VWA5B2: variants seen among roughly 807,000 people sequenced by gnomAD.
VWA5B2 encodes the protein von Willebrand factor A domain-containing protein 5B2.
VWA5B2 carries 93 observed loss-of-function variants against 118.5 expected under a neutral mutation model. The ratio of observed to expected loss-of-function variants is 0.79; its 90% confidence interval spans 0.66 to 0.93. The LOEUF (loss-of-function observed/expected upper bound fraction) is 0.93, where lower values mean the gene tolerates loss of function less well. VWA5B2 is among the 40% of genes least tolerant of loss of function. The pLI is 0.00. For synonymous variants in VWA5B2, 708 were observed against 716.3 expected, an observed-to-expected ratio of 0.99 and a Z score of 0.19; for missense variants, 1,546 against 1,672.8, an observed-to-expected ratio of 0.92 and a Z score of 1.32.
At position 184,233,027 on chromosome 3, in the gene VWA5B2, C is replaced by T; in HGVS notation, c.311-151C>T. On this transcript the variant is annotated intron_variant, in intron 3 of 19. Transcript: ENST00000691901. This position sits in a 1 kb window ranked among gnomAD's most constrained non-coding sequence, Gnocchi z 5.2. ...TCTCCTGCCATCATTCATCTCATGC[C>T]TCCATCCTGCGTCACCAATGCATTA... 4.6e-6 allele frequency: 3 copies of T among 658,644 alleles called. No homozygotes were observed. The highest frequency in any genetic ancestry group is 7.9e-6 in the Non-Finnish European group (3 of 378,862). 40.8% of individuals were successfully genotyped at this position (658,644 alleles called of 1,614,324 possible).
rs750946815 is a variant in VWA5B2, at chr3:184,241,829, G to T, written c.3520G>T (p.Ala1174Ser). The T allele has an allele frequency of 6.5e-7, 1 of 1,528,638 alleles. No homozygotes were observed. Among genetic ancestry groups the T allele is most frequent in the Non-Finnish European group, 8.8e-7 (1 of 1,139,078 alleles). The allele number at this position is 1,528,638 out of a possible 1,614,324, so 94.7% of individuals were successfully genotyped here. A position where few individuals can be genotyped will look rare whatever the true frequency, so the allele number is the denominator to read the frequency against. Residue 1174 changes from alanine to serine, a missense_variant, in exon 20 of 20, where the codon GCC becomes TCC. Physicochemically the swap from Ala to Ser is moderately conservative, Grantham distance 99. Coordinates refer to ENST00000691901, the MANE Select transcript of VWA5B2 (RefSeq NM_001390846.1). This position sits in a 1 kb window ranked among gnomAD's most constrained non-coding sequence, Gnocchi z 5.1. ...GRTWATAVAL[A>S]WLEHRCAAAF... Reference sequence around the variant, plus strand: ...GACCTGGGCCACTGCCGTAGCACTCGCCTGGCTGGAGCACCGATGCGCCGC... The same window carrying T: ...GACCTGGGCCACTGCCGTAGCACTCTCCTGGCTGGAGCACCGATGCGCCGC...
rs199997613 is a variant in VWA5B2, at chr3:184,240,799, C to G, written c.2749C>G (p.Arg917Gly). ...AETTADRGHA[R>G]RCWLRALQTS... ...GCTCCTTGGTTCCACAGGCCATGCCCGGAGGTGCTGGCTTCGAGCCCTTCA... is the reference window on the plus strand; with the variant it reads ...GCTCCTTGGTTCCACAGGCCATGCCGGGAGGTGCTGGCTTCGAGCCCTTCA... Residue 917 changes from arginine to glycine, a missense_variant, in exon 17 of 20, where the codon CGG (arginine) becomes GGG (glycine). Physicochemically the swap from Arg to Gly is moderately radical, Grantham distance 125. Around this residue, in one of 3 missense-constraint regions of VWA5B2, gnomAD observed 763 missense variants for 766.6 expected, o/e 1.00. Transcript: ENST00000691901. 2.5e-5 allele frequency: 38 copies of G among 1,550,820 alleles called. No homozygotes were observed. The South Asian group carries it at 3.8e-4, about 16-fold the overall frequency.
Position 184,241,559 on chromosome 3 carries a change from C to T in VWA5B2, c.3250C>T (p.Gln1084Ter). The change falls in exon 20 of 20, where the codon CAG (glutamine) becomes TAG (stop). Residue 1084 changes from glutamine to a stop codon, truncating the protein, a stop_gained. Coordinates refer to ENST00000691901, the MANE Select transcript of VWA5B2 (RefSeq NM_001390846.1). LOFTEE classifies it high-confidence loss of function. The surrounding 1 kb of genome is among the most constrained non-coding windows in gnomAD (Gnocchi z 5.1). ...APFCAAVRIS[Q>*]ERLCRASPFA... ...CTTCTGCGCCGCTGTGCGCATCTCG[C>T]AGGAGCGCCTCTGCCGTGCCTCGCC... The T allele has an allele frequency of 1.3e-6, 2 of 1,549,328 alleles. No homozygotes were observed. Among genetic ancestry groups the T allele is most frequent in the Non-Finnish European group, 1.7e-6 (2 of 1,146,782 alleles).
Position 184,237,440 on chromosome 3 carries a change from G to A in VWA5B2, c.1719+29G>A, listed in dbSNP as rs1047156513. ...AGCTTGGGCTGGGGTGTGGTAGGGG[G>A]GCTAGGGTGAGGTAGGGGGGCCTGG... is the stretch of plus-strand genomic sequence containing the variant. On this transcript the variant is annotated intron_variant, in intron 12 of 19. Transcript: ENST00000691901. This position sits in a 1 kb window ranked among gnomAD's most constrained non-coding sequence, Gnocchi z 5.6. 2.6e-6 allele frequency: 4 copies of A among 1,533,764 alleles called. No individual in the cohort carries two copies. The highest frequency in any genetic ancestry group is 2.0e-5 in the Admixed American group (1 of 50,378).
chr3:184,232,615 C>T (rs1020989375), intron 3 of VWA5B2: 2 of 153,372 alleles, frequency 1.3e-5, no homozygotes, highest in Non-Finnish European at 2.9e-5. Flanking sequence ...CCCAAACAAA[C>T]CTAGGAGCTA....
chr3:184,230,871 T>C lies in VWA5B2; in HGVS notation c.264T>C (p.Ala88=). Residue 88 remains alanine (A), a synonymous_variant, in exon 3 of 20, where the codon GCT becomes GCC. Coordinates refer to ENST00000691901, the MANE Select transcript of VWA5B2 (RefSeq NM_001390846.1). ...RRRSQAACCR[A]LGPGLGTPTP... is the part of the protein sequence containing the mutation. ...GCTCGCAGGCCGCCTGCTGCCGCGC[T>C]CTGGGCCCGGGGCTGGGGACCCCGA... The C allele has an allele frequency of 8.1e-7, 1 of 1,240,234 alleles. No homozygotes were observed. The highest frequency in any genetic ancestry group is 1.0e-6 in the Non-Finnish European group (1 of 993,140). 76.8% of individuals were successfully genotyped at this position (1,240,234 alleles called of 1,614,324 possible).
At position 184,236,661 on chromosome 3, in the gene VWA5B2, C is replaced by T; in HGVS notation, c.1445C>T (p.Pro482Leu). 1 of 1,551,286 alleles carries T rather than the reference C, an allele frequency of 6.4e-7. No homozygotes were observed. The highest frequency in any genetic ancestry group is 1.7e-4 in the Middle Eastern group (1 of 5,988). Residue 482 changes from proline (P) to leucine (L), a missense_variant, in exon 11 of 20, where the codon CCC becomes CTC. Physicochemically the swap from Pro to Leu is moderately conservative, Grantham distance 98 (BLOSUM62 -3). This residue lies in a region of VWA5B2 where 775 missense variants were observed against 882.3 expected (regional missense o/e 0.88). Coordinates refer to ENST00000691901, the MANE Select transcript of VWA5B2 (RefSeq NM_001390846.1). ...AGATGCTTCTCCTTTGGGCTGGGGC[C>T]CACCTGCCACCAGCTGCTCCAGGGT... ...TARCFSFGLG[P>L]TCHQLLQGLS...
At chr3:184,231,374 C>T (rs1180397967) in intron 3 of VWA5B2, among the ~76,000 whole-genome samples, 1 of 152,334 alleles carries the variant, frequency 6.6e-6, no homozygotes, top group East Asian at 1.9e-4. Context: ...CGACCCCATA[C>T]ACCAGGTACC....
chr3:184,230,824 T>C lies in VWA5B2; in HGVS notation c.217T>C (p.Phe73Leu). ...CGAGGCCGCCGGACGGCGCGTCTCCTTCCAGCTGCAGAGCCGGCGCCGCTC... is the reference window on the plus strand; with the variant it reads ...CGAGGCCGCCGGACGGCGCGTCTCCCTCCAGCTGCAGAGCCGGCGCCGCTC... ...EAEAAGRRVSFQLQSRRRSQA... is the reference protein window; with the variant it reads ...EAEAAGRRVSLQLQSRRRSQA... Residue 73 changes from phenylalanine (F) to leucine (L), a missense_variant, in exon 3 of 20, where the codon TTC (phenylalanine) becomes CTC (leucine). Physicochemically the swap from Phe to Leu is conservative, Grantham distance 22. Coordinates refer to ENST00000691901, the MANE Select transcript of VWA5B2 (RefSeq NM_001390846.1). 1 of 1,255,794 alleles carries C rather than the reference T, an allele frequency of 8.0e-7. No homozygotes were observed. The highest frequency in any genetic ancestry group is 1.0e-6 in the Non-Finnish European group (1 of 1,000,888). 77.8% of individuals were successfully genotyped at this position (1,255,794 alleles called of 1,614,324 possible).
chr3:184,233,096 A>C lies in VWA5B2; in HGVS notation c.311-82A>C, dbSNP rs1463811177. 2 of 1,331,748 alleles carry C rather than the reference A, an allele frequency of 1.5e-6. No individual in the cohort carries two copies. Among genetic ancestry groups the C allele is most frequent in the African/African-American group, 2.9e-5 (2 of 68,288 alleles). The allele number at this position is 1,331,748 out of a possible 1,614,324, so 82.5% of individuals were successfully genotyped here. On this transcript the variant is annotated intron_variant, in intron 3 of 19. Transcript: ENST00000691901. The surrounding 1 kb of genome is among the most constrained non-coding windows in gnomAD (Gnocchi z 5.2). ...AAGTCCCCCTTGCCCAGGCTCCCTG[A>C]CCCAATGCCTGCTTCCACATCTAGC...
rs184630385 is a variant in VWA5B2 at position 184,241,922 on chromosome 3, G to C, written c.3613G>C (p.Asp1205His). 1 of 1,547,662 alleles carries C rather than the reference G, an allele frequency of 6.5e-7. No homozygotes were observed. The highest frequency in any genetic ancestry group is 8.7e-7 in the Non-Finnish European group (1 of 1,146,358). ...DCWLRAQHLP[D>H]GLDLAALKAA... is the part of the protein sequence containing the mutation. ...CTGGCTGCGGGCCCAGCACTTGCCTGACGGCCTTGACCTGGCCGCCCTCAA... is the reference window on the plus strand; with the variant it reads ...CTGGCTGCGGGCCCAGCACTTGCCTCACGGCCTTGACCTGGCCGCCCTCAA... Residue 1205 changes from aspartate (D) to histidine (H), a missense_variant, in exon 20 of 20, where the codon GAC (aspartate) becomes CAC (histidine). By Grantham distance (81) the Asp-to-His change is moderately conservative. This residue lies in a region of VWA5B2 where 763 missense variants were observed against 766.6 expected (regional missense o/e 1.00). Coordinates refer to ENST00000691901, the MANE Select transcript of VWA5B2 (RefSeq NM_001390846.1). The surrounding 1 kb of genome is among the most constrained non-coding windows in gnomAD (Gnocchi z 5.1).
In VWA5B2 at chr3:184,237,435, A is replaced by G. The variant is rs1325084996; in HGVS notation, c.1719+24A>G. 4 of 1,523,574 alleles carry G rather than the reference A, an allele frequency of 2.6e-6. No individual in the cohort carries two copies. The highest frequency in any genetic ancestry group is 3.6e-6 in the Non-Finnish European group (4 of 1,126,554). 94.4% of individuals were successfully genotyped at this position (1,523,574 alleles called of 1,614,324 possible). On this transcript the variant is annotated intron_variant, in intron 12 of 19. Transcript: ENST00000691901. This position sits in a 1 kb window ranked among gnomAD's most constrained non-coding sequence, Gnocchi z 5.6. ...GGGTAAGCTTGGGCTGGGGTGTGGT[A>G]GGGGGGCTAGGGTGAGGTAGGGGGG...
rs1158271154 is a variant in VWA5B2 at position 184,241,147 on chromosome 3, C to G, written c.2962+40C>G. 1 of 1,551,466 alleles carries G rather than the reference C, an allele frequency of 6.4e-7. No homozygotes were observed. Among genetic ancestry groups the G allele is most frequent in the Admixed American group, 2.0e-5 (1 of 50,982 alleles). ...TAGGGAAAGGGTAGGGGCACTTGGG[C>G]TTAGAGACCGCCCCCTGGCACTGAT... On this transcript the variant is annotated intron_variant, in intron 18 of 19. Coordinates refer to ENST00000691901, the MANE Select transcript of VWA5B2 (RefSeq NM_001390846.1). The surrounding 1 kb of genome is among the most constrained non-coding windows in gnomAD (Gnocchi z 5.1).
Position 184,238,285 on chromosome 3 carries a change from C to A in VWA5B2, c.1720-18C>A. ...ACATAACTGCAGTTAATTTTTTTCC[C>A]AATAATATTCTCTCTAGGGCCAAGA... On this transcript the variant is annotated intron_variant, in intron 12 of 19. Coordinates refer to ENST00000691901, the MANE Select transcript of VWA5B2 (RefSeq NM_001390846.1). The surrounding 1 kb of genome is among the most constrained non-coding windows in gnomAD (Gnocchi z 5.0). 1 of 1,464,242 alleles carries A rather than the reference C, an allele frequency of 6.8e-7. No homozygotes were observed. The highest frequency in any genetic ancestry group is 1.4e-5 in the South Asian group (1 of 72,092). 90.7% of individuals were successfully genotyped at this position (1,464,242 alleles called of 1,614,324 possible).
chr3:184,229,819 C>T (rs1717184738), intron 1 of VWA5B2, among the ~76,000 whole-genome samples, 106 bp downstream of exon 1: 1 of 152,154 alleles, frequency 6.6e-6, no homozygotes, highest in Non-Finnish European at 1.5e-5. Context: ...CCCACATCAG[C>T]TCTGCCGGGG....
At chr3:184,231,965 G>C (rs1428487158) in intron 3 of VWA5B2, among the ~76,000 whole-genome samples, 1 of 152,224 alleles carries the variant, frequency 6.6e-6, no homozygotes, top group East Asian at 1.9e-4. Flanking sequence ...GTAGGACTCA[G>C]TTAAGTGGAA....
chr3:184,241,770 C>A lies in VWA5B2; in HGVS notation c.3461C>A (p.Ala1154Glu). The A allele has an allele frequency of 1.3e-6, 2 of 1,484,598 alleles. No individual in the cohort carries two copies. The highest frequency in any genetic ancestry group is 8.9e-7 in the Non-Finnish European group (1 of 1,120,010). 92.0% of individuals were successfully genotyped at this position (1,484,598 alleles called of 1,614,324 possible). Residue 1154 changes from alanine (A) to glutamate (E), a missense_variant, in exon 20 of 20, where the codon GCG (alanine) becomes GAG (glutamate). Physicochemically the swap from Ala to Glu is moderately radical, Grantham distance 107. Around this residue, in one of 3 missense-constraint regions of VWA5B2, gnomAD observed 763 missense variants for 766.6 expected, o/e 1.00. Coordinates refer to ENST00000691901, the MANE Select transcript of VWA5B2 (RefSeq NM_001390846.1). This position sits in a 1 kb window ranked among gnomAD's most constrained non-coding sequence, Gnocchi z 5.1. ...TCAGACACCGAGGCCTCCGAGGGGG[C>A]GGAAGGGCTGGGCGGCACCGACCTG... ...RGSDTEASEG[A>E]EGLGGTDLRG... is the part of the protein sequence containing the mutation.
Position 184,240,007 on chromosome 3 carries a change from G to A in VWA5B2, c.2711G>A (p.Arg904Gln), listed in dbSNP as rs538710322. Residue 904 changes from arginine (R) to glutamine (Q), a missense_variant, in exon 16 of 20, where the codon CGA becomes CAA. Physicochemically the swap from Arg to Gln is conservative, Grantham distance 43. Around this residue, in one of 3 missense-constraint regions of VWA5B2, gnomAD observed 763 missense variants for 766.6 expected, o/e 1.00. Coordinates refer to ENST00000691901, the MANE Select transcript of VWA5B2 (RefSeq NM_001390846.1). ...VVRDNEQLAL[R>Q]GGAETTADRG... is the part of the protein sequence containing the mutation. ...CGGGACAATGAGCAGCTGGCCCTCC[G>A]AGGAGGGGCAGAGACCACAGCTGAC... The A allele has an allele frequency of 4.5e-6, 7 of 1,548,002 alleles. No homozygotes were observed. Among genetic ancestry groups the A allele is most frequent in the African/African-American group, 4.1e-5 (3 of 73,098 alleles).
chr3:184,233,554 C>A lies in VWA5B2; in HGVS notation c.531-22C>A. 1 of 1,546,780 alleles carries A rather than the reference C, an allele frequency of 6.5e-7. No homozygotes were observed. The highest frequency in any genetic ancestry group is 8.7e-7 in the Non-Finnish European group (1 of 1,144,608). On this transcript the variant is annotated intron_variant, in intron 4 of 19. Transcript: ENST00000691901. This position sits in a 1 kb window ranked among gnomAD's most constrained non-coding sequence, Gnocchi z 5.2. Reference sequence around the variant, plus strand: ...AGGGGCCTTCACAGTGGCCCAGTGACCCTCCTCATGCTCCCTTCCAGCCCC... The same window carrying A: ...AGGGGCCTTCACAGTGGCCCAGTGAACCTCCTCATGCTCCCTTCCAGCCCC...
Sources: allele counts gnomAD v4.1 joint callset (sites outside exome capture counted in the v4.1 genomes callset), GRCh38; gene constraint gnomAD v4.1.1; regional missense constraint gnomAD v4.1.1; non-coding constraint Gnocchi (gnomAD v3.1); transcripts MANE v1.5; gene names NCBI Gene and HGNC (gene_info 2026-07-23, HGNC 2026-07-21).